Variants in TMEM117 observed in about 807,000 individuals in gnomAD.
TMEM117 encodes the protein transmembrane protein 117.
A neutral mutation model predicts 52.4 loss-of-function variants in TMEM117; 27 were observed. The ratio of observed to expected loss-of-function variants is 0.51; its 90% CI spans 0.38 to 0.71. The LOEUF is 0.71. Ranked by LOEUF, TMEM117 falls within the 30% of genes least tolerant of loss-of-function variation. TMEM117 has a pLI of 0.00. For synonymous variants in TMEM117, 215 were observed against 206.3 expected (o/e 1.04, Z -0.36); for missense variants, 556 against 630.5 (o/e 0.88, Z 1.26).
chr12:43,860,166 C>G (rs1279919075), intron 2 of TMEM117, among the ~76,000 whole-genome samples: 7 of 152,162 alleles, frequency 4.6e-5, no homozygotes, highest in Non-Finnish European at 1.0e-4. Context: ...AATGCTATCC[C>G]TCCCCTAGTC....
intron 4 of TMEM117, among the ~76,000 whole-genome samples, chr12:44,148,936 C>T (rs1389685474): frequency 2.0e-5 from 3 of 152,066 alleles, no homozygotes; most frequent in African/African-American, 4.8e-5. Context: ...CTATATTGTT[C>T]AGGGTATCAT....
Position 44,299,591 on chromosome 12 carries a change from T to C in TMEM117, c.620T>C (p.Phe207Ser), listed in dbSNP as rs1416870077. Residue 207 changes from phenylalanine (F) to serine (S), a missense_variant, in exon 6 of 8, where the codon TTT (phenylalanine) becomes TCT (serine). This residue lies in a region of TMEM117 where 328 missense variants were observed against 371.4 expected (regional missense o/e 0.88). Coordinates refer to ENST00000266534, the MANE Select transcript of TMEM117 (RefSeq NM_032256.3). ...CTTGTTCCTTACAGGACAGTTCTTTTTACTCTGACGTCTGTGGTTGTACTT... is the reference window on the plus strand; with the variant it reads ...CTTGTTCCTTACAGGACAGTTCTTTCTACTCTGACGTCTGTGGTTGTACTT... ...VRITLFWTVL[F>S]TLTSVVVLVI... is the part of the protein sequence containing the mutation. 1 of 1,614,218 alleles carries C rather than the reference T, an allele frequency of 6.2e-7. No homozygotes were observed. Among genetic ancestry groups the C allele is most frequent in the Admixed American group, 1.7e-5 (1 of 60,034 alleles).
chr12:44,249,378 A>T (rs1378711264), intron 5 of TMEM117, among the ~76,000 whole-genome samples: 1 of 152,326 alleles, frequency 6.6e-6, no homozygotes, highest in East Asian at 1.9e-4. Flanking sequence ...GGTTCCATGG[A>T]TAGGAAGAAT....
chr12:43,820,421 C>G, the TMEM117 span, among the ~76,000 whole-genome samples: 10 of 152,014 alleles, frequency 6.6e-5, no homozygotes, highest in Non-Finnish European at 1.2e-4. Flanking sequence ...CTACAGACGC[C>G]GGCCACCACG....
At chr12:44,387,353 A>AAG (rs1300451375) in intron 7 of TMEM117, among the ~76,000 whole-genome samples, 1 of 151,876 alleles carries the variant, frequency 6.6e-6, no homozygotes, top group African/African-American at 2.4e-5. Flanking sequence ...ATATTAAAAA[A>AAG]AGAAATAATA....
intron 3 of TMEM117, among the ~76,000 whole-genome samples, chr12:44,010,598 T>C (rs996864106): frequency 2.6e-5 from 4 of 152,214 alleles, no homozygotes; most frequent in Admixed American, 6.5e-5. Context: ...TTGCTGCCTT[T>C]TGTGGTTTAA....
intron 6 of TMEM117, among the ~76,000 whole-genome samples, chr12:44,318,661 G>A (rs1316250776): frequency 1.3e-5 from 2 of 151,984 alleles, no homozygotes; most frequent in African/African-American, 4.8e-5. Context: ...AATCTGCCAG[G>A]GTATGGAGCA....
intron 6 of TMEM117, among the ~76,000 whole-genome samples, chr12:44,357,998 A>G (rs1016990093): frequency 2.0e-5 from 3 of 152,182 alleles, no homozygotes; most frequent in Non-Finnish European, 4.4e-5. Context: ...GCCATAACAA[A>G]GAACAAAACC....
At chr12:44,065,235 C>T (rs1297754027) in intron 3 of TMEM117, among the ~76,000 whole-genome samples, 6 of 151,928 alleles carry the variant, frequency 3.9e-5, no homozygotes, top group Non-Finnish European at 5.9e-5. Flanking sequence ...AAAAATTTGC[C>T]GGGAGTTGTG....
At position 43,868,810 on chromosome 12, in the gene TMEM117, AAAGT is replaced by A. The variant is rs1209234259; in HGVS notation, c.277+23888_277+23891del. Among the ~76,000 whole-genome samples the A allele has an allele frequency of 1.1e-4, 17 of 152,242 alleles. No individual in the cohort carries two copies. In the South Asian group the frequency reaches 3.1e-3, roughly 28 times the overall value. On this transcript the variant is annotated intron_variant, in intron 2 of 7. Transcript: ENST00000266534. ...GTTGGGAAAAGAACAAATTGAATCA[AAAGT>A]AAGTAGGAAGGAGGAAATAATAAAG...
intron 3 of TMEM117, among the ~76,000 whole-genome samples, chr12:43,953,488 A>C (rs1202949384): frequency 6.6e-6 from 1 of 152,222 alleles, no homozygotes; most frequent in Non-Finnish European, 1.5e-5. Context: ...AGAAAATAGC[A>C]GGAGTTGCAA....
chr12:44,372,846 T>C (rs918098560), intron 6 of TMEM117, among the ~76,000 whole-genome samples: 1 of 152,226 alleles, frequency 6.6e-6, no homozygotes, highest in Non-Finnish European at 1.5e-5. Context: ...TATGTCACTT[T>C]GGACAAGTGA....
chr12:44,061,389 A>G (rs573476089), intron 3 of TMEM117, among the ~76,000 whole-genome samples: 1 of 152,316 alleles, frequency 6.6e-6, no homozygotes, highest in Non-Finnish European at 1.5e-5. Flanking sequence ...TATGTTTTAT[A>G]TGGAAGCCAA....
intron 3 of TMEM117, among the ~76,000 whole-genome samples, chr12:44,104,413 G>A (rs1947917344): frequency 6.6e-6 from 1 of 151,426 alleles, no homozygotes; most frequent in African/African-American, 2.4e-5. Flanking sequence ...TGGTAATTAG[G>A]GTTTTTTTTC....
chr12:44,388,399 G>A lies in TMEM117; in HGVS notation c.1272G>A (p.Met424Ile), dbSNP rs552651744. ...FGRFLKNEPR[M>I]ENQDKTYTRM... ...GATTTTTGAAAAATGAGCCACGCATGGAGAATCAAGACAAAACTTACACTC... is the reference window on the plus strand; with the variant it reads ...GATTTTTGAAAAATGAGCCACGCATAGAGAATCAAGACAAAACTTACACTC... The change falls in exon 8 of 8, where the codon ATG (methionine) becomes ATA (isoleucine). Residue 424 changes from methionine to isoleucine, a missense_variant. Physicochemically the swap from Met to Ile is conservative, Grantham distance 10. Around this residue, in one of 3 missense-constraint regions of TMEM117, gnomAD observed 206 missense variants for 211.1 expected, o/e 0.98. Coordinates refer to ENST00000266534, the MANE Select transcript of TMEM117 (RefSeq NM_032256.3). 1 of 1,613,348 alleles carries A rather than the reference G, an allele frequency of 6.2e-7. No homozygotes were observed. Among genetic ancestry groups the A allele is most frequent in the Admixed American group, 1.7e-5 (1 of 59,892 alleles).
chr12:44,038,851 T>A (rs1946753487), intron 3 of TMEM117, among the ~76,000 whole-genome samples: 1 of 152,252 alleles, frequency 6.6e-6, no homozygotes, highest in Non-Finnish European at 1.5e-5. Flanking sequence ...TTCTGCAAAT[T>A]GTGGCCATTT....
rs1041021074 is a variant in TMEM117 at position 44,231,749 on chromosome 12, G to A, written c.608+20362G>A. Among the ~76,000 whole-genome samples the A allele has an allele frequency of 7.2e-5, 11 of 151,778 alleles. 1 individual carries two copies. The highest frequency in any genetic ancestry group is 2.7e-4 in the African/African-American group (11 of 41,496). On this transcript the variant is annotated intron_variant, in intron 5 of 7. Transcript: ENST00000266534. Reference sequence around the variant, plus strand: ...CATTAAAAATCTTTGTTTCTGAAGTGCCTGTTCAAGTTTCTTGCCCATGTT... The same window carrying A: ...CATTAAAAATCTTTGTTTCTGAAGTACCTGTTCAAGTTTCTTGCCCATGTT...
the TMEM117 span, chr12:43,798,442 T>C: frequency 1.2e-6 from 1 of 866,178 alleles, no homozygotes; most frequent in South Asian, 2.0e-5. Flanking sequence ...GTAGAGAGTC[T>C]CATTCGCAGT....
intron 6 of TMEM117, among the ~76,000 whole-genome samples, chr12:44,345,849 T>C (rs748172253): frequency 2.6e-5 from 4 of 152,130 alleles, no homozygotes; most frequent in Non-Finnish European, 5.9e-5. Flanking sequence ...TAGATTATCT[T>C]TCAGGGTTCT....
Sources: gnomAD v4.1 joint callset for allele counts (sites outside exome capture counted in the v4.1 genomes callset) on GRCh38, gnomAD v4.1.1 for gene constraint, gnomAD v4.1.1 regional missense constraint, MANE v1.5 for transcripts, NCBI Gene and HGNC (gene_info 2026-07-23, HGNC 2026-07-21) for gene names.